The following MAP1B variants were observed in gnomAD, a reference collection of about 807,000 sequenced individuals.
MAP1B encodes microtubule-associated protein 1B.
A neutral mutation model predicts 176.1 loss-of-function variants in MAP1B; 12 were observed. The observed-to-expected ratio is 0.07, with a 90% CI of 0.04 to 0.11. The LOEUF is 0.11. Among genes scored for constraint, MAP1B ranks in the 10% least tolerant of loss-of-function variants. The probability of loss-of-function intolerance (pLI) is 1.00; values close to 1 mark genes in which losing one functional copy is unlikely to be tolerated. For missense variants in MAP1B, 2,523 were observed against 2,990.5 expected, an observed-to-expected ratio of 0.84 and a Z score of 3.65; for synonymous variants, 1,044 against 1,135.0, an observed-to-expected ratio of 0.92 and a Z score of 1.61.
intron 2 of MAP1B, among the ~76,000 whole-genome samples, chr5:72,178,436 A>G (rs1361023329): frequency 6.6e-6 from 1 of 152,166 alleles, no homozygotes; most frequent in Non-Finnish European, 1.5e-5. Flanking sequence ...GAATCTTCAC[A>G]TTGTAAGTTA....
At chr5:72,192,999 T>G (rs1331071658) in intron 4 of MAP1B, among the ~76,000 whole-genome samples, 2 of 152,240 alleles carry the variant, frequency 1.3e-5, no homozygotes, top group Non-Finnish European at 2.9e-5. Flanking sequence ...CACACCCAAC[T>G]TGCCCTGAAA....
rs1747381578 is a variant in MAP1B at position 72,203,708 on chromosome 5, G to A, written c.7158G>A (p.Val2386=). The change falls in exon 6 of 7, where the codon GTG becomes GTA. Residue 2386 remains valine, a synonymous_variant. Coordinates refer to ENST00000296755, the MANE Select transcript of MAP1B (RefSeq NM_005909.5). ...FFKRVRSSYY[V]VSGNDPAAEE... ...AGAGAGTGCGGTCTTCCTACTACGT[G>A]GTGAGTGGGAATGACCCTGCTGCTG... The A allele has an allele frequency of 1.9e-6, 3 of 1,613,858 alleles. No homozygotes were observed. The highest frequency in any genetic ancestry group is 2.5e-6 in the Non-Finnish European group (3 of 1,179,978).
chr5:72,173,029 C>A (rs768441227), intron 2 of MAP1B, among the ~76,000 whole-genome samples: 1 of 152,186 alleles, frequency 6.6e-6, no homozygotes, highest in African/African-American at 2.4e-5. Context: ...ATCCCAGTTC[C>A]GCTACTAACT....
intron 2 of MAP1B, among the ~76,000 whole-genome samples, chr5:72,140,432 G>C (rs538498937): frequency 6.6e-6 from 1 of 152,272 alleles, no homozygotes; most frequent in East Asian, 1.9e-4. Context: ...CACTGGCTTT[G>C]ACCATTTCAT....
chr5:72,145,847 G>T (rs62363199), intron 2 of MAP1B, among the ~76,000 whole-genome samples: 9,527 of 152,214 alleles, frequency 0.063, 342 homozygotes, highest in Non-Finnish European at 0.071. Flanking sequence ...TATTTATCAT[G>T]CATGAAGCAT....
At chr5:72,203,446 T>C (rs1359177764) in intron 5 of MAP1B, 117 bp from the exon 6 acceptor site, 2 of 766,872 alleles carry the variant, frequency 2.6e-6, no homozygotes, top group Non-Finnish European at 4.6e-6. Context: ...TTTGCATGTC[T>C]CAGAGGACCT....
At position 72,204,979 on chromosome 5, in the gene MAP1B, C is replaced by T. The variant is rs1239305271; in HGVS notation, c.7252-105C>T. 1.5e-5 allele frequency: 11 copies of T among 751,604 alleles called. No homozygotes were observed. Among genetic ancestry groups the T allele is most frequent in the East Asian group, 2.8e-5 (1 of 35,988 alleles). 46.6% of individuals were successfully genotyped at this position (751,604 alleles called of 1,614,324 possible). On this transcript the variant is annotated intron_variant, in intron 6 of 6. Coordinates refer to ENST00000296755, the MANE Select transcript of MAP1B (RefSeq NM_005909.5). The surrounding 1 kb of genome is among the most constrained non-coding windows in gnomAD (Gnocchi z 4.4). Reference sequence around the variant, plus strand: ...TGAGGAAAATAGAAAAGTTTTCTCTCATTTCCCTTCTTCTTCCAGTGGTCT... The same window carrying T: ...TGAGGAAAATAGAAAAGTTTTCTCTTATTTCCCTTCTTCTTCCAGTGGTCT...
chr5:72,118,158 T>G (rs1745465803), intron 2 of MAP1B, among the ~76,000 whole-genome samples: 1 of 152,178 alleles, frequency 6.6e-6, no homozygotes, highest in Admixed American at 6.5e-5. Flanking sequence ...AGCTGAACAT[T>G]TTCCTTTAGA....
At chr5:72,175,583 C>G (rs1746636709) in intron 2 of MAP1B, among the ~76,000 whole-genome samples, 1 of 152,148 alleles carries the variant, frequency 6.6e-6, no homozygotes, top group African/African-American at 2.4e-5. Context: ...TGTCTTTCAC[C>G]TTAACCCTTG....
At chr5:72,148,206 AG>A (rs1230707479) in intron 2 of MAP1B, among the ~76,000 whole-genome samples, 1 of 152,224 alleles carries the variant, frequency 6.6e-6, no homozygotes, top group African/African-American at 2.4e-5. Context: ...AGAACAGCTT[AG>A]TCAAGCCACT....
chr5:72,140,723 A>C (rs1745932498), intron 2 of MAP1B, among the ~76,000 whole-genome samples: 2 of 152,246 alleles, frequency 1.3e-5, no homozygotes, highest in Admixed American at 6.5e-5. Flanking sequence ...TGAAAGAGGT[A>C]AAACTGTGAT....
In MAP1B at chr5:72,203,923, G is replaced by T. The variant is rs1054186855; in HGVS notation, c.7251+122G>T. 3.9e-6 allele frequency: 3 copies of T among 763,282 alleles called. No individual in the cohort carries two copies. In the African/African-American group the frequency reaches 5.3e-5, roughly 13 times the overall value. 47.3% of individuals were successfully genotyped at this position (763,282 alleles called of 1,614,324 possible). A position where few individuals can be genotyped will look rare whatever the true frequency, so the allele number is the denominator to read the frequency against. On this transcript the variant is annotated intron_variant, in intron 6 of 6. Coordinates refer to ENST00000296755, the MANE Select transcript of MAP1B (RefSeq NM_005909.5). ...CGTGGATCCACATGAGGTGCCTCCT[G>T]TGTCTGTCACACACGAAATATCCTG...
intron 2 of MAP1B, among the ~76,000 whole-genome samples, chr5:72,172,239 C>T (rs961991580): frequency 6.6e-6 from 1 of 152,206 alleles, no homozygotes; most frequent in Non-Finnish European, 1.5e-5. Context: ...TGGCCAATCA[C>T]CAAGCTGGTT....
Position 72,195,934 on chromosome 5 carries a change from T to C in MAP1B, c.2579T>C (p.Leu860Pro), listed in dbSNP as rs764449199. ...AAGGACATCAAGCCTCAGCTGGAGCTAATCGAAGACGAAGAGAAACTGAAG... is the reference window on the plus strand; with the variant it reads ...AAGGACATCAAGCCTCAGCTGGAGCCAATCGAAGACGAAGAGAAACTGAAG... The part of the protein sequence containing the change: ...VTKDIKPQLE[L>P]IEDEEKLKET... The change falls in exon 5 of 7, where the codon CTA (leucine) becomes CCA (proline). Residue 860 changes from leucine (L) to proline (P), a missense_variant. Leu to Pro is a moderately conservative substitution (Grantham distance 98). Coordinates refer to ENST00000296755, the MANE Select transcript of MAP1B (RefSeq NM_005909.5). The C allele has an allele frequency of 4.3e-6, 7 of 1,614,190 alleles. No individual in the cohort carries two copies. The highest frequency in any genetic ancestry group is 5.9e-6 in the Non-Finnish European group (7 of 1,180,040).
chr5:72,146,978 T>G (rs1561298045), intron 2 of MAP1B, among the ~76,000 whole-genome samples: 1 of 151,438 alleles, frequency 6.6e-6, no homozygotes, highest in Non-Finnish European at 1.5e-5. Flanking sequence ...TTTTTTTTTT[T>G]TGAGACAGAT....
chr5:72,163,163 G>T (rs778401946), intron 2 of MAP1B, among the ~76,000 whole-genome samples: 1 of 148,434 alleles, frequency 6.7e-6, no homozygotes, highest in Non-Finnish European at 1.5e-5. Context: ...GGGAGGTGGA[G>T]GTTGTGGTGA....
chr5:72,185,636 AAT>A (rs1746881213), intron 3 of MAP1B, among the ~76,000 whole-genome samples: 1 of 152,068 alleles, frequency 6.6e-6, no homozygotes, highest in African/African-American at 2.4e-5. Context: ...CTGGAAAATT[AAT>A]ATATGTCCAG....
intron 2 of MAP1B, among the ~76,000 whole-genome samples, chr5:72,120,077 T>A (rs1480051159): frequency 6.6e-6 from 1 of 152,182 alleles, no homozygotes; most frequent in South Asian, 2.1e-4. Context: ...TTGTAAGAAG[T>A]GCCCCATAAT....
At chr5:72,130,357 G>A (rs1745706639) in intron 2 of MAP1B, among the ~76,000 whole-genome samples, 1 of 152,114 alleles carries the variant, frequency 6.6e-6, no homozygotes, top group South Asian at 2.1e-4. Context: ...AAATAGGGAG[G>A]CCTTAGGCTA....
Sources: gnomAD v4.1 joint callset for allele counts (sites outside exome capture counted in the v4.1 genomes callset) on GRCh38, gnomAD v4.1.1 for gene constraint, Gnocchi (gnomAD v3.1) non-coding constraint, MANE v1.5 for transcripts, NCBI Gene and HGNC (gene_info 2026-07-23, HGNC 2026-07-21) for gene names.